The following UGT2B7 variants were observed in gnomAD, a reference collection of about 807,000 sequenced individuals.
UGT2B7 encodes UDP-glucuronosyltransferase 2B7.
In UGT2B7, 51 loss-of-function variants were observed where a neutral mutation model predicts 51.9. The observed-to-expected ratio is 0.98, with a 90% CI of 0.78 to 1.24. The LOEUF (loss-of-function observed/expected upper bound fraction) is 1.24, where lower values mean the gene tolerates loss of function less well. Among genes scored for constraint, UGT2B7 ranks in the 50% most tolerant of loss-of-function variants. The probability of loss-of-function intolerance (pLI) is 0.00; values close to 1 mark genes in which losing one functional copy is unlikely to be tolerated. For synonymous variants in UGT2B7, 225 were observed against 211.6 expected, an observed-to-expected ratio of 1.06 and a Z score of -0.55; for missense variants, 727 against 628.4, an observed-to-expected ratio of 1.16 and a Z score of -1.68.
chr4:69,095,618 G>C (rs191723120), upstream of UGT2B7, among the ~76,000 whole-genome samples: 93 of 152,316 alleles, frequency 6.1e-4, no homozygotes, highest in Admixed American at 1.1e-3. Context: ...GAGGAAGTGA[G>C]TCGGAGAACA....
chr4:69,083,994 C>G (rs11935886), intron 1 of UGT2B7, among the ~76,000 whole-genome samples: 87,030 of 151,222 alleles, frequency 0.58, 25,984 homozygotes, highest in African/African-American at 0.71. Flanking sequence ...TCCTTTTTTA[C>G]TCTGATGTTA....
At chr4:69,069,099 C>CT (rs144896955) in intron 1 of UGT2B7, among the ~76,000 whole-genome samples, 1 of 134,038 alleles carries the variant, frequency 7.5e-6, no homozygotes, top group Non-Finnish European at 1.6e-5. Flanking sequence ...GGAACAGATA[C>CT]TTTAAAAAAA....
intron 1 of UGT2B7, among the ~76,000 whole-genome samples, chr4:69,064,017 T>C (rs913511619): frequency 1.6e-5 from 1 of 63,778 alleles, no homozygotes; most frequent in Admixed American, 2.4e-4. Context: ...GAAGATGAGA[T>C]GGGAAAGAAA....
At position 69,112,982 on chromosome 4, in the gene UGT2B7, GC is replaced by G. The variant is rs1358978343; in HGVS notation, c.*248del. 2.6e-5 allele frequency: 11 copies of G among 430,030 alleles called. No individual in the cohort carries two copies. Among genetic ancestry groups the G allele is most frequent in the East Asian group, 1.2e-4 (2 of 17,352 alleles). The allele number at this position is 430,030 out of a possible 1,614,324, so 26.6% of individuals were successfully genotyped here. ...TACGGAAAATAAAAAATAAGATAAAGCCTTATGAGCTCGTATTGAAATTTGT... is the reference window on the plus strand; with the variant it reads ...TACGGAAAATAAAAAATAAGATAAAGCTTATGAGCTCGTATTGAAATTTGT... On this transcript the variant is annotated 3_prime_UTR_variant, in exon 6 of 6. Coordinates refer to ENST00000305231, the MANE Select transcript of UGT2B7 (RefSeq NM_001074.4).
intron 1 of UGT2B7, among the ~76,000 whole-genome samples, chr4:69,076,212 C>T (rs1438523363): frequency 2.0e-5 from 3 of 152,144 alleles, no homozygotes; most frequent in Non-Finnish European, 2.9e-5. Context: ...CAAGTCTTTG[C>T]TATTGTGAAC....
chr4:69,086,232 TTATC>T (rs1718953126), intron 1 of UGT2B7, among the ~76,000 whole-genome samples: 2 of 151,894 alleles, frequency 1.3e-5, no homozygotes, highest in Non-Finnish European at 2.9e-5. Context: ...TTAAAATAAT[TTATC>T]TATGGACTCA....
chr4:69,072,974 G>A (rs1291241560), intron 1 of UGT2B7, among the ~76,000 whole-genome samples: 2 of 152,158 alleles, frequency 1.3e-5, no homozygotes, highest in Non-Finnish European at 2.9e-5. Flanking sequence ...ATTTTTGAAA[G>A]TGGGGGAATG....
intron 1 of UGT2B7, 109 bp from the exon 2 acceptor site, chr4:69,098,431 G>C: frequency 1.6e-6 from 2 of 1,282,678 alleles, no homozygotes; most frequent in South Asian, 1.5e-5. Flanking sequence ...ATTTTTCAAA[G>C]CACAGATATT....
chr4:69,109,737 A>G (rs1719719108), intron 5 of UGT2B7, among the ~76,000 whole-genome samples: 1 of 152,112 alleles, frequency 6.6e-6, no homozygotes, highest in Non-Finnish European at 1.5e-5. Flanking sequence ...TTAAATTTTT[A>G]ATAATTGATT....
At chr4:69,058,452 G>A (rs1300664028) in intron 1 of UGT2B7, among the ~76,000 whole-genome samples, 1 of 152,170 alleles carries the variant, frequency 6.6e-6, no homozygotes, top group Non-Finnish European at 1.5e-5. Flanking sequence ...ACCCCGACTA[G>A]GACCCAAATG....
chr4:69,092,804 G>A (rs944647627), upstream of UGT2B7, among the ~76,000 whole-genome samples: 2 of 151,662 alleles, frequency 1.3e-5, no homozygotes, highest in African/African-American at 4.8e-5. Flanking sequence ...TATCCTACAT[G>A]CAAAACTCTA....
At chr4:69,088,139 T>G (rs1719002567) in intron 1 of UGT2B7, among the ~76,000 whole-genome samples, 1 of 152,064 alleles carries the variant, frequency 6.6e-6, no homozygotes, top group Admixed American at 6.6e-5. Flanking sequence ...TCTCTTTTTT[T>G]GCTCTTCTGA....
At chr4:69,082,986 G>C (rs1718871580) in intron 1 of UGT2B7, among the ~76,000 whole-genome samples, 1 of 152,058 alleles carries the variant, frequency 6.6e-6, no homozygotes, top group African/African-American at 2.4e-5. Context: ...GAAAGTTCTA[G>C]AGTCCTTGAG....
chr4:69,094,892 C>T (rs1389954881), upstream of UGT2B7, among the ~76,000 whole-genome samples: 1 of 152,202 alleles, frequency 6.6e-6, no homozygotes, highest in Non-Finnish European at 1.5e-5. Flanking sequence ...TGTCATTCAA[C>T]AATGTTCATA....
At chr4:69,078,981 C>T (rs924259471) in intron 1 of UGT2B7, among the ~76,000 whole-genome samples, 8 of 152,070 alleles carry the variant, frequency 5.3e-5, no homozygotes, top group African/African-American at 1.7e-4. Context: ...GACTACTGGG[C>T]TGGAAGCTCT....
chr4:69,080,652 G>T (rs980685804), intron 1 of UGT2B7, among the ~76,000 whole-genome samples: 1 of 151,818 alleles, frequency 6.6e-6, no homozygotes, highest in African/African-American at 2.4e-5. Context: ...GTTTTAAATA[G>T]TATTCCTTTG....
chr4:69,090,906 C>G (rs1225433464), intron 2 of UGT2B7, among the ~76,000 whole-genome samples: 1 of 152,138 alleles, frequency 6.6e-6, no homozygotes, highest in Non-Finnish European at 1.5e-5. Context: ...AAATCCAAAT[C>G]CATAGTATGA....
At chr4:69,058,610 CTT>C (rs1452037038) in intron 1 of UGT2B7, among the ~76,000 whole-genome samples, 2 of 152,194 alleles carry the variant, frequency 1.3e-5, no homozygotes, top group Non-Finnish European at 2.9e-5. Context: ...TTATAAAAGA[CTT>C]AGTGAGGCCA....
chr4:69,063,318 C>CAAAAAAAAA (rs556109411), intron 1 of UGT2B7, among the ~76,000 whole-genome samples: 2 of 23,780 alleles, frequency 8.4e-5, no homozygotes, highest in Non-Finnish European at 1.5e-4. Flanking sequence ...GACTCCGTCT[C>CAAAAAAAAA]AAAAAAAAAA....
Sources: gnomAD v4.1 joint callset for allele counts (sites outside exome capture counted in the v4.1 genomes callset) on GRCh38, gnomAD v4.1.1 for gene constraint, MANE v1.5 for transcripts, NCBI Gene and HGNC (gene_info 2026-07-23, HGNC 2026-07-21) for gene names.